SLC25A37: variants seen among roughly 807,000 people sequenced by gnomAD.
The protein encoded by SLC25A37 is mitoferrin-1.
SLC25A37 carries 17 observed loss-of-function variants against 31.0 expected under a neutral mutation model. The observed-to-expected ratio is 0.55, with a 90% CI of 0.38 to 0.82. The LOEUF (loss-of-function observed/expected upper bound fraction) is 0.82. Among genes scored for constraint, SLC25A37 ranks in the 40% least tolerant of loss-of-function variants. SLC25A37 has a pLI of 0.00. For missense variants in SLC25A37, 404 were observed against 465.8 expected (o/e 0.87, Z 1.22); for synonymous variants, 222 against 193.0 (o/e 1.15, Z -1.24).
intron 3 of SLC25A37, 99 bp downstream of exon 3, chr8:23,568,477 G>T (rs1056447213): frequency 3.7e-6 from 5 of 1,364,574 alleles, no homozygotes; most frequent in South Asian, 1.2e-5. Flanking sequence ...TGGGCAGAGC[G>T]GCTCCTAGTC....
intron 1 of SLC25A37, among the ~76,000 whole-genome samples, chr8:23,565,798 G>A (rs1384098468): frequency 1.3e-5 from 2 of 152,206 alleles, no homozygotes. Context: ...TTTAACTGAA[G>A]GTCTTAGGGC....
chr8:23,567,907 A>G, intron 2 of SLC25A37: 1 of 194,574 alleles, frequency 5.1e-6, no homozygotes, highest in African/African-American at 2.6e-5. Flanking sequence ...TCAGCTGTAG[A>G]TATGATATCT....
chr8:23,545,921 G>T (rs1358405523), intron 1 of SLC25A37, among the ~76,000 whole-genome samples: 2 of 152,150 alleles, frequency 1.3e-5, no homozygotes, highest in African/African-American at 4.8e-5. Context: ...TGGATCACGA[G>T]GTCAGAAGTT....
chr8:23,567,650 G>A (rs184425842), intron 2 of SLC25A37: 2 of 152,774 alleles, frequency 1.3e-5, no homozygotes, highest in East Asian at 3.9e-4. Flanking sequence ...TCACCGCAAA[G>A]GGAGGAAACT....
Position 23,541,015 on chromosome 8 carries a change from T to G in SLC25A37, c.210+11803T>G, listed in dbSNP as rs186806982. 9.1e-4 allele frequency among the ~76,000 whole-genome samples: 138 copies of G among 152,340 alleles called. 1 individual carries two copies. The highest frequency in any genetic ancestry group is 2.5e-4 in the Non-Finnish European group (17 of 68,032). On this transcript the variant is annotated intron_variant, in intron 1 of 3. Transcript: ENST00000519973. ...CTCTCATTCCAGCACTAGGACTCAGTGCAGCTGCCTGGCCTTGGGCACTTA... is the reference window on the plus strand; with the variant it reads ...CTCTCATTCCAGCACTAGGACTCAGGGCAGCTGCCTGGCCTTGGGCACTTA...
chr8:23,562,143 G>A (rs1356397458), intron 1 of SLC25A37, among the ~76,000 whole-genome samples: 1 of 152,160 alleles, frequency 6.6e-6, no homozygotes, highest in Admixed American at 6.5e-5. Context: ...CTCCAGCCAG[G>A]GCTCATCCCC....
At chr8:23,561,732 G>A (rs901339557) in intron 1 of SLC25A37, among the ~76,000 whole-genome samples, 4 of 152,184 alleles carry the variant, frequency 2.6e-5, no homozygotes, top group African/African-American at 9.7e-5. Context: ...GTCACTTAGT[G>A]GTTCCCCAAG....
At position 23,566,403 on chromosome 8, in the gene SLC25A37, TC is replaced by T. The variant is rs1399064075; in HGVS notation, c.439+69del. On this transcript the variant is annotated intron_variant, in intron 2 of 3. Transcript: ENST00000519973. The stretch of plus-strand genomic sequence containing the variant: ...TTCAACACGTCCCTCCCCAGGGTGT[TC>T]CTCCCTGTGACCCAGCCGCCTCGAC... The T allele has an allele frequency of 3.3e-6, 5 of 1,538,190 alleles. No homozygotes were observed. In the African/African-American group the frequency reaches 7.0e-5, roughly 22 times the overall value.
Position 23,571,595 on chromosome 8 carries a change from A to AC in SLC25A37, c.763dup (p.Leu255ProfsTer5), listed in dbSNP as rs1368954469. 1.2e-6 allele frequency: 2 copies of AC among 1,613,070 alleles called. No individual in the cohort carries two copies. The highest frequency in any genetic ancestry group is 1.7e-6 in the Non-Finnish European group (2 of 1,179,672). ...CGGGGCCCTCGCCGCGGCCGCCACG[A>AC]CCCCCCTGGACGTCTGTAAGACCCT... On this transcript the variant is annotated frameshift_variant, in exon 4 of 4. Coordinates refer to ENST00000519973, the MANE Select transcript of SLC25A37 (RefSeq NM_016612.4). LOFTEE classifies it high-confidence loss of function.
chr8:23,566,510 G>GC (rs1802664063), intron 2 of SLC25A37, 174 bp downstream of exon 2: 2 of 1,374,268 alleles, frequency 1.5e-6, no homozygotes, highest in Non-Finnish European at 1.9e-6. Context: ...ACACACACGC[G>GC]CGCGCACACA....
In SLC25A37 at chr8:23,551,796, G is replaced by T. The variant is rs77451515; in HGVS notation, c.211-14312G>T. On this transcript the variant is annotated intron_variant, in intron 1 of 3. Transcript: ENST00000519973. ...AGAGCTAGGATTTAGATACAGAGGG[G>T]TCTCCAAGCCTGTCCTTCCAGCTTT... is the stretch of plus-strand genomic sequence containing the variant. 2.9e-3 allele frequency among the ~76,000 whole-genome samples: 441 copies of T among 152,254 alleles called. 1 individual carries two copies. Among genetic ancestry groups the T allele is most frequent in the Non-Finnish European group, 5.1e-3 (350 of 68,016 alleles).
intron 3 of SLC25A37, chr8:23,568,802 AGT>A (rs1802736994): frequency 4.2e-6 from 1 of 237,428 alleles, no homozygotes; most frequent in Non-Finnish European, 8.5e-6. Context: ...AAATTAGCCT[AGT>A]GTGGTGTGTG....
At chr8:23,559,519 T>C (rs529780101) in intron 1 of SLC25A37, among the ~76,000 whole-genome samples, 1 of 152,334 alleles carries the variant, frequency 6.6e-6, no homozygotes, top group South Asian at 2.1e-4. Flanking sequence ...ATCTTACCCA[T>C]TTTTAAGCAT....
At chr8:23,552,671 G>A (rs1490644791) in intron 1 of SLC25A37, among the ~76,000 whole-genome samples, 1 of 152,192 alleles carries the variant, frequency 6.6e-6, no homozygotes, top group South Asian at 2.1e-4. Context: ...CAGAACGTAC[G>A]TTACTTATGG....
chr8:23,571,933 T>TC lies in SLC25A37; in HGVS notation c.*79dup. The stretch of plus-strand genomic sequence containing the variant: ...CCCTTGCCCTCTCCTCACACGTAGA[T>TC]CATTTTTTTTTTGCAGGGTGCTGCC... On this transcript the variant is annotated 3_prime_UTR_variant, in exon 4 of 4. Transcript: ENST00000519973. 4 of 1,426,420 alleles carry TC rather than the reference T, an allele frequency of 2.8e-6. No homozygotes were observed. The highest frequency in any genetic ancestry group is 3.8e-6 in the Non-Finnish European group (4 of 1,062,100). The allele number at this position is 1,426,420 out of a possible 1,614,324, so 88.4% of individuals were successfully genotyped here.
At chr8:23,546,024 A>G (rs1802027248) in intron 1 of SLC25A37, among the ~76,000 whole-genome samples, 1 of 152,108 alleles carries the variant, frequency 6.6e-6, no homozygotes, top group African/African-American at 2.4e-5. Flanking sequence ...AATCTCAGCT[A>G]CTTGAGAGGC....
chr8:23,543,131 A>C (rs1801942794), intron 1 of SLC25A37: 1 of 151,588 alleles, frequency 6.6e-6, no homozygotes, highest in Admixed American at 6.6e-5. Context: ...TGCAGTGTTG[A>C]GATCATAGTT....
intron 1 of SLC25A37, among the ~76,000 whole-genome samples, chr8:23,540,193 A>G (rs1421892890): frequency 6.6e-6 from 1 of 152,262 alleles, no homozygotes; most frequent in East Asian, 1.9e-4. Flanking sequence ...AGAAAACTGA[A>G]CTTCAGAAAA....
intron 1 of SLC25A37, among the ~76,000 whole-genome samples, chr8:23,561,175 A>G (rs909600561): frequency 6.6e-6 from 1 of 152,160 alleles, no homozygotes; most frequent in African/African-American, 2.4e-5. Flanking sequence ...TTTTTCTTTG[A>G]CATAGTGAGT....
Sources: allele counts gnomAD v4.1 joint callset (sites outside exome capture counted in the v4.1 genomes callset), GRCh38; gene constraint gnomAD v4.1.1; transcripts MANE v1.5; gene names NCBI Gene and HGNC (gene_info 2026-07-23, HGNC 2026-07-21).